The following ZBTB16 variants were observed in gnomAD, a reference collection of about 807,000 sequenced individuals.
The protein encoded by ZBTB16 is zinc finger and BTB domain-containing protein 16.
ZBTB16 carries 8 observed loss-of-function variants against 56.8 expected under a neutral mutation model. That is an observed-to-expected ratio of 0.14 (90% CI 0.08 to 0.25). ZBTB16 has a LOEUF of 0.25. Among genes scored for constraint, ZBTB16 ranks in the 10% least tolerant of loss-of-function variants. The probability of loss-of-function intolerance (pLI) is 1.00; values close to 1 mark genes in which losing one functional copy is unlikely to be tolerated. For synonymous variants in ZBTB16, 363 were observed against 368.5 expected, an observed-to-expected ratio of 0.98 and a Z score of 0.17; for missense variants, 625 against 903.0, an observed-to-expected ratio of 0.69 and a Z score of 3.95.
At chr11:114,104,511 G>A (rs1940722336) in intron 2 of ZBTB16, among the ~76,000 whole-genome samples, 1 of 152,242 alleles carries the variant, frequency 6.6e-6, no homozygotes, top group African/African-American at 2.4e-5. Flanking sequence ...GCAGCCAGCA[G>A]TCAGCACTGG....
intron 2 of ZBTB16, among the ~76,000 whole-genome samples, chr11:114,087,624 C>T (rs889537910): frequency 6.6e-6 from 1 of 152,216 alleles, no homozygotes. Context: ...AGCCTTCCTG[C>T]AGTGCACCCC....
chr11:114,113,358 C>T (rs966464171), intron 2 of ZBTB16, among the ~76,000 whole-genome samples: 4 of 152,142 alleles, frequency 2.6e-5, no homozygotes, highest in Admixed American at 1.3e-4. Context: ...TCCAACACTT[C>T]GGGTATTTGG....
intron 2 of ZBTB16, among the ~76,000 whole-genome samples, chr11:114,108,045 C>G (rs1940860052): frequency 6.6e-6 from 1 of 151,796 alleles, no homozygotes; most frequent in Admixed American, 6.6e-5. Context: ...GTAAAAGATG[C>G]TGGGAGGGTT....
intron 3 of ZBTB16, among the ~76,000 whole-genome samples, chr11:114,186,408 T>C (rs941331594): frequency 6.6e-6 from 1 of 152,114 alleles, no homozygotes; most frequent in Non-Finnish European, 1.5e-5. Context: ...AGTAAGGAGT[T>C]TGGACCTTGT....
chr11:114,135,873 C>T (rs1941784683), intron 2 of ZBTB16, among the ~76,000 whole-genome samples: 1 of 152,182 alleles, frequency 6.6e-6, no homozygotes, highest in African/African-American at 2.4e-5. Context: ...CCTTTTTTAT[C>T]TGAAATGCCA....
At chr11:114,233,269 C>T in intron 4 of ZBTB16, among the ~76,000 whole-genome samples, 1 of 151,874 alleles carries the variant, frequency 6.6e-6, no homozygotes, top group Non-Finnish European at 1.5e-5. Flanking sequence ...GAGGTACCAG[C>T]GGAGGATATT....
At chr11:114,235,625 C>CCTTCCTTCCTTT (rs1475848528) in intron 4 of ZBTB16, among the ~76,000 whole-genome samples, 1 of 68,416 alleles carries the variant, frequency 1.5e-5, no homozygotes, top group Admixed American at 1.4e-4. Flanking sequence ...TTTCCCTCTC[C>CCTTCCTTCCTTT]CTTCCTTTCT....
intron 2 of ZBTB16, among the ~76,000 whole-genome samples, chr11:114,116,461 T>A (rs1441046957): frequency 3.9e-5 from 6 of 152,188 alleles, no homozygotes. Flanking sequence ...GCTCAGAAGA[T>A]GGATATTTGG....
intron 4 of ZBTB16, among the ~76,000 whole-genome samples, chr11:114,224,181 A>G (rs1944288583): frequency 6.6e-6 from 1 of 152,200 alleles, no homozygotes. Context: ...AGATTGGGAT[A>G]ATATTGCCAT....
At chr11:114,190,989 G>A (rs187778494) in intron 4 of ZBTB16, among the ~76,000 whole-genome samples, 127 of 152,292 alleles carry the variant, frequency 8.3e-4, no homozygotes, top group African/African-American at 3.1e-3. Flanking sequence ...GGGGGTGCAG[G>A]CATGTCACGT....
intron 2 of ZBTB16, among the ~76,000 whole-genome samples, chr11:114,136,715 G>T (rs896987223): frequency 4.0e-5 from 6 of 151,838 alleles, no homozygotes; most frequent in African/African-American, 7.3e-5. Flanking sequence ...GGGTTTTTTT[G>T]GGGGGAGGTT....
At position 114,106,282 on chromosome 11, in the gene ZBTB16, G is replaced by A. The variant is rs77075744; in HGVS notation, c.1268+41714G>A. On this transcript the variant is annotated intron_variant, in intron 2 of 6. Coordinates refer to ENST00000335953, the MANE Select transcript of ZBTB16 (RefSeq NM_006006.6). ...TCCCTTCCCCCTTGGCCGGTTTCAT[G>A]CCTATATTTACCCTCTTTTGGGGGT... Among the ~76,000 whole-genome samples, 761 of 152,198 alleles carry A rather than the reference G, an allele frequency of 5.0e-3. 5 individuals carry two copies. The highest frequency in any genetic ancestry group is 0.017 in the African/African-American group (691 of 41,528).
At chr11:114,093,053 C>A (rs1940249012) in intron 2 of ZBTB16, among the ~76,000 whole-genome samples, 1 of 152,204 alleles carries the variant, frequency 6.6e-6, no homozygotes, top group Non-Finnish European at 1.5e-5. Context: ...CCACCAGTGC[C>A]TGTCCTACAT....
intron 4 of ZBTB16, among the ~76,000 whole-genome samples, chr11:114,241,894 C>T (rs914088192): frequency 4.6e-5 from 7 of 152,200 alleles, no homozygotes; most frequent in Admixed American, 3.9e-4. Flanking sequence ...CCACCCGACA[C>T]AGTTGCCCAC....
chr11:114,188,766 A>G (rs1273566205), intron 4 of ZBTB16: 1 of 152,206 alleles, frequency 6.6e-6, no homozygotes, highest in African/African-American at 2.4e-5. Context: ...CTGCTTATAC[A>G]TATTAAGTGC....
intron 2 of ZBTB16, among the ~76,000 whole-genome samples, chr11:114,083,990 C>G (rs190348710): frequency 6.6e-6 from 1 of 152,222 alleles, no homozygotes; most frequent in East Asian, 1.9e-4. Context: ...GATTATATTT[C>G]GTGACATAAC....
intron 2 of ZBTB16, among the ~76,000 whole-genome samples, chr11:114,079,362 C>T (rs887043805): frequency 2.0e-5 from 3 of 152,134 alleles, no homozygotes; most frequent in African/African-American, 7.2e-5. Flanking sequence ...TGAAAGGAAC[C>T]AGTGAAATCT....
intron 3 of ZBTB16, among the ~76,000 whole-genome samples, chr11:114,181,999 A>G (rs1473838483): frequency 6.6e-6 from 1 of 152,270 alleles, no homozygotes; most frequent in Non-Finnish European, 1.5e-5. Context: ...TACGCTGTGT[A>G]AAAGAACAGC....
chr11:114,193,653 G>A (rs1943548305), intron 4 of ZBTB16, among the ~76,000 whole-genome samples: 1 of 152,156 alleles, frequency 6.6e-6, no homozygotes, highest in African/African-American at 2.4e-5. Context: ...CCAGGAGGAA[G>A]GGAGTTGCCT....
Sources: gnomAD v4.1 joint callset for allele counts (sites outside exome capture counted in the v4.1 genomes callset) on GRCh38, gnomAD v4.1.1 for gene constraint, MANE v1.5 for transcripts, NCBI Gene and HGNC (gene_info 2026-07-23, HGNC 2026-07-21) for gene names.